The following RHEB variants were observed in gnomAD, a reference collection of about 807,000 sequenced individuals.
The protein encoded by RHEB is GTP-binding protein Rheb.
Under a neutral mutation model 28.8 loss-of-function variants are expected in RHEB, and 2 were observed. The ratio of observed to expected loss-of-function variants is 0.07; its 90% CI spans 0.03 to 0.22. The LOEUF (loss-of-function observed/expected upper bound fraction) is 0.22. Among genes scored for constraint, RHEB ranks in the 10% least tolerant of loss-of-function variants. RHEB has a pLI of 1.00. For missense variants in RHEB, 76 were observed against 219.9 expected (o/e 0.35, Z 4.14); for synonymous variants, 69 against 77.3 (o/e 0.89, Z 0.56).
At chr7:151,479,464 C>T (rs1207885182) in intron 3 of RHEB, among the ~76,000 whole-genome samples, 2 of 152,092 alleles carry the variant, frequency 1.3e-5, no homozygotes, top group Non-Finnish European at 2.9e-5. Flanking sequence ...GGGCAGATCA[C>T]AAGGTCAGGA....
At chr7:151,484,127 A>C (rs1425094133) in intron 3 of RHEB, among the ~76,000 whole-genome samples, 2 of 152,160 alleles carry the variant, frequency 1.3e-5, no homozygotes, top group Non-Finnish European at 2.9e-5. Context: ...CTCCAGTCAA[A>C]CTGGTATTTT....
chr7:151,483,356 C>T (rs944775342), intron 3 of RHEB, among the ~76,000 whole-genome samples: 2 of 152,138 alleles, frequency 1.3e-5, no homozygotes, highest in Non-Finnish European at 2.9e-5. Context: ...GAAAAATAGC[C>T]CCCATTTAAC....
intron 2 of RHEB, among the ~76,000 whole-genome samples, chr7:151,487,035 A>T (rs1349959034): frequency 6.6e-6 from 1 of 152,230 alleles, no homozygotes; most frequent in Admixed American, 6.5e-5. Flanking sequence ...CCCAGGATGT[A>T]GTGGCTTATG....
intron 3 of RHEB, among the ~76,000 whole-genome samples, chr7:151,479,553 G>A (rs905421045): frequency 5.3e-5 from 8 of 151,900 alleles, no homozygotes; most frequent in Non-Finnish European, 1.0e-4. Flanking sequence ...CGTGGTGGCG[G>A]GCGCCTGTAG....
intron 1 of RHEB, among the ~76,000 whole-genome samples, chr7:151,506,332 G>GT (rs1438539223): frequency 6.6e-6 from 1 of 151,984 alleles, no homozygotes; most frequent in Non-Finnish European, 1.5e-5. Context: ...TTACAGGTGT[G>GT]TGTCACCATG....
At chr7:151,502,987 A>C in intron 1 of RHEB, 2 of 783,784 alleles carry the variant, frequency 2.6e-6, no homozygotes, top group Non-Finnish European at 4.7e-6. Flanking sequence ...TCCTCTCCGA[A>C]GTGAAATTCA....
rs183958532 is a variant in RHEB at position 151,480,863 on chromosome 7, T to C, written c.193-3448A>G. Among the ~76,000 whole-genome samples the C allele has an allele frequency of 2.0e-5, 3 of 152,280 alleles. No homozygotes were observed. In the East Asian group the frequency reaches 5.8e-4, roughly 29 times the overall value. On this transcript the variant is annotated intron_variant, in intron 3 of 7. Transcript: ENST00000262187. ...CCATGTCTGGCTAATTTTGTAGTTTTAGTAGAGACAGAGTTTCACCATGTT... is the reference window on the plus strand; with the variant it reads ...CCATGTCTGGCTAATTTTGTAGTTTCAGTAGAGACAGAGTTTCACCATGTT...
At chr7:151,484,888 GCA>G (rs1802440550) in intron 2 of RHEB, 84 bp from the exon 3 acceptor site, 2 of 865,212 alleles carry the variant, frequency 2.3e-6, no homozygotes, top group African/African-American at 1.7e-5. Flanking sequence ...AACCAATCAA[GCA>G]CAGAGTCCCT....
chr7:151,500,090 A>T (rs1177749134), intron 1 of RHEB, among the ~76,000 whole-genome samples: 1 of 152,164 alleles, frequency 6.6e-6, no homozygotes, highest in Non-Finnish European at 1.5e-5. Flanking sequence ...GTGTGAACCC[A>T]CTGTGCCTGG....
chr7:151,491,676 G>A (rs1802584466), intron 1 of RHEB, among the ~76,000 whole-genome samples: 1 of 151,926 alleles, frequency 6.6e-6, no homozygotes, highest in African/African-American at 2.4e-5. Flanking sequence ...GGCAGAGGCT[G>A]CAGTGGGCCA....
intron 1 of RHEB, chr7:151,502,470 A>T (rs935883725): frequency 3.5e-6 from 3 of 863,008 alleles, no homozygotes; most frequent in Non-Finnish European, 6.1e-6. Flanking sequence ...CTGGTTGTTT[A>T]CTGTGGAACA....
At chr7:151,515,272 T>C (rs1803058654) in intron 1 of RHEB, among the ~76,000 whole-genome samples, 1 of 152,222 alleles carries the variant, frequency 6.6e-6, no homozygotes, top group African/African-American at 2.4e-5. Context: ...TTCTTATTTA[T>C]ATGAAATGTC....
intron 7 of RHEB, among the ~76,000 whole-genome samples, chr7:151,467,978 C>T (rs1449315460): frequency 1.3e-5 from 2 of 152,126 alleles, no homozygotes; most frequent in Non-Finnish European, 2.9e-5. Context: ...AGCCTCGCCT[C>T]CTTATGCACC....
intron 7 of RHEB, 121 bp downstream of exon 7, chr7:151,470,450 T>C (rs763516041): frequency 1.1e-4 from 65 of 600,424 alleles, no homozygotes; most frequent in Non-Finnish European, 1.6e-4. Context: ...GTATTAGAAA[T>C]GGAGGAAGGC....
chr7:151,478,136 T>C (rs535302360), intron 3 of RHEB, among the ~76,000 whole-genome samples: 11 of 152,336 alleles, frequency 7.2e-5, no homozygotes, highest in Non-Finnish European at 1.6e-4. Context: ...TATATACGTA[T>C]TAAAGCATAC....
intron 1 of RHEB, chr7:151,502,882 T>G: frequency 1.2e-6 from 1 of 846,152 alleles, no homozygotes; most frequent in South Asian, 1.3e-5. Flanking sequence ...CTGATATGTT[T>G]GATCAGAGGT....
chr7:151,507,426 GTT>G (rs1279979355), intron 1 of RHEB, among the ~76,000 whole-genome samples: 2 of 152,084 alleles, frequency 1.3e-5, no homozygotes, highest in African/African-American at 4.8e-5. Context: ...CTAAGGAAGT[GTT>G]TTGAAAAGAT....
chr7:151,478,204 G>A lies in RHEB; in HGVS notation c.193-789C>T, dbSNP rs540927636. ...GCACGCGCCACTGTCTGGTACGAAC[G>A]TTTCATTCTTAGTTGAAACTAAATT... On this transcript the variant is annotated intron_variant, in intron 3 of 7. Coordinates refer to ENST00000262187, the MANE Select transcript of RHEB (RefSeq NM_005614.4). 5.0e-4 allele frequency among the ~76,000 whole-genome samples: 76 copies of A among 152,166 alleles called. 1 individual carries two copies. The highest frequency in any genetic ancestry group is 7.2e-4 in the Admixed American group (11 of 15,296).
chr7:151,491,118 G>T, intron 1 of RHEB, 104 bp from the exon 2 acceptor site: 1 of 704,222 alleles, frequency 1.4e-6, no homozygotes, highest in East Asian at 2.7e-5. Flanking sequence ...GACACTGAAG[G>T]TATCAGGGTC....
Sources: gnomAD v4.1 joint callset for allele counts (sites outside exome capture counted in the v4.1 genomes callset) on GRCh38, gnomAD v4.1.1 for gene constraint, MANE v1.5 for transcripts, NCBI Gene and HGNC (gene_info 2026-07-23, HGNC 2026-07-21) for gene names.